MAGI2: variants seen among roughly 807,000 people sequenced by gnomAD.
The protein encoded by MAGI2 is membrane associated guanylate kinase, WW and PDZ domain containing 2.
MAGI2 carries 35 observed loss-of-function variants against 133.3 expected under a neutral mutation model. That is an observed-to-expected ratio of 0.26 (90% CI 0.20 to 0.35). MAGI2 has a LOEUF of 0.35. Among genes scored for constraint, MAGI2 ranks in the 10% least tolerant of loss-of-function variants. The pLI, the probability that MAGI2 is intolerant of heterozygous loss-of-function variation, is 1.00. For synonymous variants in MAGI2, 729 were observed against 710.6 expected (o/e 1.03, Z -0.41); for missense variants, 1,636 against 1,863.4 (o/e 0.88, Z 2.25).
intron 3 of MAGI2, among the ~76,000 whole-genome samples, chr7:78,545,090 G>A (rs1429731658): frequency 6.6e-6 from 1 of 151,612 alleles, no homozygotes; most frequent in African/African-American, 2.4e-5. Flanking sequence ...AGGTATCCAA[G>A]CTGGCATTCC....
chr7:78,037,216 T>C (rs1254114639), intron 21 of MAGI2, among the ~76,000 whole-genome samples: 1 of 151,986 alleles, frequency 6.6e-6, no homozygotes, highest in African/African-American at 2.4e-5. Context: ...GGCCCCTCTT[T>C]GAACTTAGGG....
chr7:79,355,332 CAAATAAACAAACAAAA>C (rs1841951341), intron 1 of MAGI2, among the ~76,000 whole-genome samples: 1 of 148,910 alleles, frequency 6.7e-6, no homozygotes, highest in African/African-American at 2.5e-5. Context: ...AACAAACAAA[CAAATAAACAAACAAAA>C]AAACAAACAA....
chr7:78,030,445 C>T (rs551485988), intron 21 of MAGI2, among the ~76,000 whole-genome samples: 3 of 152,108 alleles, frequency 2.0e-5, no homozygotes, highest in Admixed American at 6.5e-5. Flanking sequence ...TTAGTAGAGA[C>T]GGGGTTTCAC....
At position 78,999,153 on chromosome 7, in the gene MAGI2, A is replaced by G. The variant is rs181863705; in HGVS notation, c.418+7937T>C. On this transcript the variant is annotated intron_variant, in intron 2 of 21. Transcript: ENST00000354212. ...ATTTCCTATGGAAAGCCTCCCTCCT[A>G]TGAAAAAAAGGAAAGAGAAATACAA... Among the ~76,000 whole-genome samples, 312 of 152,222 alleles carry G rather than the reference A, an allele frequency of 2.0e-3. 2 individuals carry two copies. The highest frequency in any genetic ancestry group is 7.0e-3 in the African/African-American group (291 of 41,542).
chr7:78,873,075 A>G (rs985121070), intron 2 of MAGI2, among the ~76,000 whole-genome samples: 5 of 152,200 alleles, frequency 3.3e-5, no homozygotes, highest in African/African-American at 1.2e-4. Flanking sequence ...TAGGGAGTAA[A>G]TGCTCACAAG....
chr7:78,449,795 C>A (rs1051805679), intron 6 of MAGI2, among the ~76,000 whole-genome samples: 1 of 151,954 alleles, frequency 6.6e-6, no homozygotes, highest in African/African-American at 2.4e-5. Flanking sequence ...ATCACTTAAC[C>A]GAGACTTTCA....
At chr7:79,126,422 A>C (rs1177427686) in intron 1 of MAGI2, among the ~76,000 whole-genome samples, 1 of 152,164 alleles carries the variant, frequency 6.6e-6, no homozygotes, top group African/African-American at 2.4e-5. Flanking sequence ...GCTTGGTGTG[A>C]ACAAGAGCTA....
At chr7:78,402,585 A>G (rs1385791911) in intron 6 of MAGI2, among the ~76,000 whole-genome samples, 4 of 152,218 alleles carry the variant, frequency 2.6e-5, no homozygotes, top group Non-Finnish European at 5.9e-5. Flanking sequence ...TTATGATAAT[A>G]TTAAGTATTT....
Position 78,135,012 on chromosome 7 carries a change from G to A in MAGI2, c.3031+9C>T. Reference sequence around the variant, plus strand: ...GCCGCCTCTCTGCAAGGCTGCCTCAGGCACTCACCCTCCTGAGGAATGATG... The same window carrying A: ...GCCGCCTCTCTGCAAGGCTGCCTCAAGCACTCACCCTCCTGAGGAATGATG... On this transcript the variant is annotated intron_variant, in intron 17 of 21. Transcript: ENST00000354212. 1 of 1,612,912 alleles carries A rather than the reference G, an allele frequency of 6.2e-7. No homozygotes were observed. Among genetic ancestry groups the A allele is most frequent in the Non-Finnish European group, 8.5e-7 (1 of 1,179,384 alleles).
chr7:78,403,190 C>A (rs1797056257), intron 6 of MAGI2, among the ~76,000 whole-genome samples: 1 of 152,040 alleles, frequency 6.6e-6, no homozygotes, highest in Admixed American at 6.6e-5. Flanking sequence ...GTGATGTTCC[C>A]CTTCCTGTGT....
intron 2 of MAGI2, among the ~76,000 whole-genome samples, chr7:78,981,786 T>C (rs991398200): frequency 2.6e-4 from 39 of 152,056 alleles, no homozygotes; most frequent in Admixed American, 4.6e-4. Context: ...CAATCTGAGC[T>C]TGGGATTTCT....
intron 2 of MAGI2, among the ~76,000 whole-genome samples, chr7:78,696,856 G>C (rs1817565966): frequency 6.6e-6 from 1 of 152,142 alleles, no homozygotes; most frequent in South Asian, 2.1e-4. Flanking sequence ...TCGAACTAGA[G>C]AGGTTGCTTG....
At chr7:78,067,628 A>G (rs1390820492) in intron 21 of MAGI2, among the ~76,000 whole-genome samples, 3 of 152,232 alleles carry the variant, frequency 2.0e-5, no homozygotes, top group African/African-American at 4.8e-5. Context: ...TTGTTGTTCT[A>G]TTAAAAAAAT....
At chr7:78,043,697 C>T (rs11770586) in intron 21 of MAGI2, among the ~76,000 whole-genome samples, 10,145 of 152,190 alleles carry the variant, frequency 0.067, 339 homozygotes, top group South Asian at 0.078. Flanking sequence ...TTCACATCGT[C>T]GTTTGCTTAG....
chr7:78,977,508 AAAGAAAGAAAGAAAGAAAG>A lies in MAGI2; in HGVS notation c.418+29563_418+29581del, dbSNP rs1321558950. Reference sequence around the variant, plus strand: ...GAAAGAAAGAAAGAAAGAAAGAAAGAAAGAAAGAAAGAAAGAAAGAGCAAAGACCTTACAATTTACACAA... The same window carrying A: ...GAAAGAAAGAAAGAAAGAAAGAAAGAAGCAAAGACCTTACAATTTACACAA... On this transcript the variant is annotated intron_variant, in intron 2 of 21. Coordinates refer to ENST00000354212, the MANE Select transcript of MAGI2 (RefSeq NM_012301.4). Among the ~76,000 whole-genome samples the A allele has an allele frequency of 6.4e-5, 3 of 46,836 alleles. No homozygotes were observed. In the East Asian group the frequency reaches 2.1e-3, roughly 33 times the overall value. The allele number at this position is 46,836 out of a possible 152,430, so 30.7% of individuals were successfully genotyped here. A position where few individuals can be genotyped will look rare whatever the true frequency, so the allele number is the denominator to read the frequency against.
intron 1 of MAGI2, among the ~76,000 whole-genome samples, chr7:79,102,250 A>G (rs1225134780): frequency 2.0e-5 from 3 of 152,064 alleles, no homozygotes; most frequent in Admixed American, 1.3e-4. Context: ...GATTTTTTTT[A>G]CTTTCAGATG....
At chr7:78,813,560 C>G (rs960453072) in intron 2 of MAGI2, among the ~76,000 whole-genome samples, 1 of 152,122 alleles carries the variant, frequency 6.6e-6, no homozygotes, top group East Asian at 1.9e-4. Flanking sequence ...CCGAGACGGG[C>G]GGATCACGAG....
chr7:78,945,753 A>T (rs1801365383), intron 2 of MAGI2, among the ~76,000 whole-genome samples: 1 of 152,102 alleles, frequency 6.6e-6, no homozygotes, highest in South Asian at 2.1e-4. Context: ...TGTTTCTCAC[A>T]AACCTCTACA....
At chr7:79,075,483 G>A (rs147391004) in intron 1 of MAGI2, among the ~76,000 whole-genome samples, 284 of 152,254 alleles carry the variant, frequency 1.9e-3, no homozygotes, top group African/African-American at 6.5e-3. Context: ...TCATTAGGCT[G>A]GGAGTGGTGG....
Sources: allele counts gnomAD v4.1 joint callset (sites outside exome capture counted in the v4.1 genomes callset), GRCh38; gene constraint gnomAD v4.1.1; transcripts MANE v1.5; gene names NCBI Gene and HGNC (gene_info 2026-07-23, HGNC 2026-07-21).